Variants in TNR observed in about 807,000 individuals in gnomAD.
TNR encodes the protein tenascin-R.
TNR carries 45 observed loss-of-function variants against 150.4 expected under a neutral mutation model. The ratio of observed to expected loss-of-function variants is 0.30; its 90% CI spans 0.24 to 0.38. The LOEUF is 0.38. Among genes scored for constraint, TNR ranks in the 10% least tolerant of loss-of-function variants. The pLI, the probability that TNR is intolerant of heterozygous loss-of-function variation, is 1.00. For synonymous variants in TNR, 687 were observed against 678.4 expected (o/e 1.01, Z -0.20); for missense variants, 1,544 against 1,759.1 (o/e 0.88, Z 2.19).
chr1:175,431,371 G>A (rs1241009610), intron 2 of TNR, among the ~76,000 whole-genome samples: 2 of 152,234 alleles, frequency 1.3e-5, no homozygotes, highest in Non-Finnish European at 2.9e-5. Context: ...CCTACCATGT[G>A]TAGACAGCAC....
chr1:175,447,796 C>T (rs1262834384), intron 2 of TNR, among the ~76,000 whole-genome samples: 1 of 152,148 alleles, frequency 6.6e-6, no homozygotes, highest in Non-Finnish European at 1.5e-5. Context: ...ATGTGTGGAG[C>T]TCAACAAGGG....
At chr1:175,692,094 G>A (rs1335268259) in intron 1 of TNR, among the ~76,000 whole-genome samples, 1 of 152,192 alleles carries the variant, frequency 6.6e-6, no homozygotes, top group Admixed American at 6.5e-5. Flanking sequence ...ATTACCAGAG[G>A]TGGAAGTAAC....
At position 175,386,255 on chromosome 1, in the gene TNR, A is replaced by G. The variant is rs859437; in HGVS notation, c.1554T>C (p.Thr518=). ...TQILVRDVSD[T]VAFVEWIPPR... is the part of the protein sequence containing the mutation. ...GGGGAATCCACTCCACAAAAGCCAC[A>G]GTGTCCGAGACATCGCGAACCAGGA... Residue 518 remains threonine, a synonymous_variant, in exon 8 of 23, where the codon ACT becomes ACC. Transcript: ENST00000367674. 1,269,362 of 1,598,584 alleles carry G rather than the reference A, an allele frequency of 0.79. 504,638 individuals are homozygous for G. Among genetic ancestry groups the G allele is most frequent in the East Asian group, 0.9 (40,044 of 44,436 alleles).
At chr1:175,437,528 A>G in intron 2 of TNR, among the ~76,000 whole-genome samples, 1 of 152,242 alleles carries the variant, frequency 6.6e-6, no homozygotes, top group Non-Finnish European at 1.5e-5. Context: ...AACTAAGATC[A>G]GAGCAGAACT....
intron 20 of TNR, among the ~76,000 whole-genome samples, chr1:175,331,155 CTTT>C (rs60231011): frequency 1.1e-5 from 1 of 93,280 alleles, no homozygotes; most frequent in African/African-American, 3.8e-5. Context: ...TCCTTTCTTT[CTTT>C]TTCTTTCCTT....
At chr1:175,545,758 C>T (rs938775423) in intron 1 of TNR, among the ~76,000 whole-genome samples, 5 of 152,148 alleles carry the variant, frequency 3.3e-5, no homozygotes, top group Admixed American at 6.5e-5. Context: ...TAACTTATTC[C>T]GATTCACACA....
intron 1 of TNR, among the ~76,000 whole-genome samples, chr1:175,537,819 G>T (rs1217568668): frequency 6.6e-6 from 1 of 152,206 alleles, no homozygotes; most frequent in Non-Finnish European, 1.5e-5. Context: ...GCCAAGCCAG[G>T]CATCTGTGTG....
chr1:175,343,109 A>G (rs535202880), intron 18 of TNR, among the ~76,000 whole-genome samples: 1 of 152,290 alleles, frequency 6.6e-6, no homozygotes, highest in South Asian at 2.1e-4. Flanking sequence ...TATAGTGTGA[A>G]TGTGATCTGA....
chr1:175,501,864 C>T (rs1196978515), intron 2 of TNR, among the ~76,000 whole-genome samples: 1 of 152,174 alleles, frequency 6.6e-6, no homozygotes, highest in Admixed American at 6.5e-5. Context: ...AGGTGTGGGT[C>T]ACAGTGGTGA....
intron 1 of TNR, among the ~76,000 whole-genome samples, chr1:175,684,739 G>A (rs1451850833): frequency 1.3e-5 from 2 of 152,144 alleles, no homozygotes; most frequent in African/African-American, 4.8e-5. Flanking sequence ...AGTTAGCTAG[G>A]TTCAGAAAAT....
chr1:175,706,628 G>C (rs552749500), intron 1 of TNR, among the ~76,000 whole-genome samples: 1 of 152,106 alleles, frequency 6.6e-6, no homozygotes, highest in East Asian at 1.9e-4. Flanking sequence ...ATCTCCCGAG[G>C]GAACCACCTT....
chr1:175,628,349 C>T (rs1414327991), intron 1 of TNR, among the ~76,000 whole-genome samples: 1 of 152,004 alleles, frequency 6.6e-6, no homozygotes, highest in Non-Finnish European at 1.5e-5. Context: ...TGCTTGAAGG[C>T]CACTTAAAGG....
chr1:175,434,133 A>T (rs945560998), intron 2 of TNR, among the ~76,000 whole-genome samples: 1 of 152,180 alleles, frequency 6.6e-6, no homozygotes, highest in African/African-American at 2.4e-5. Context: ...TGCATTTTCA[A>T]GATTCGTCCA....
chr1:175,512,185 GGAAAGT>G (rs1014382845), intron 2 of TNR, among the ~76,000 whole-genome samples: 3 of 152,178 alleles, frequency 2.0e-5, no homozygotes, highest in Non-Finnish European at 4.4e-5. Context: ...AACTATCTGG[GGAAAGT>G]GAGCCATTTA....
intron 1 of TNR, among the ~76,000 whole-genome samples, chr1:175,696,307 G>A (rs552638670): frequency 2.3e-4 from 35 of 150,222 alleles, no homozygotes; most frequent in Admixed American, 2.7e-4. Context: ...GTAAATGGGC[G>A]GGCCAGCTGG....
In TNR at chr1:175,355,644, G is replaced by T. The variant is rs769181097; in HGVS notation, c.3119-11C>A. The T allele has an allele frequency of 6.8e-6, 11 of 1,613,414 alleles. No homozygotes were observed. The African/African-American group carries it at 8.0e-5, about 12-fold the overall frequency. On this transcript the variant is annotated splice_polypyrimidine_tract_variant and intron_variant, in intron 16 of 22. Transcript: ENST00000367674. ...CCGGAGGGTCCAGGACTGCAAAGAG[G>T]AGAAAGTGCCAGGGCATGCCTGCCT...
In TNR at chr1:175,421,354, G is replaced by A. The variant is rs190331618; in HGVS notation, c.-63-14577C>T. 1.5e-3 allele frequency among the ~76,000 whole-genome samples: 221 copies of A among 152,322 alleles called. 2 individuals carry two copies. In the Middle Eastern group the frequency reaches 0.02, roughly 14 times the overall value. ...AAACCTATTGCTTTGATCCTAGTTTGCATTATCAAACAGGATTGCTGCAGG... is the reference window on the plus strand; with the variant it reads ...AAACCTATTGCTTTGATCCTAGTTTACATTATCAAACAGGATTGCTGCAGG... On this transcript the variant is annotated intron_variant, in intron 2 of 22. Transcript: ENST00000367674.
At chr1:175,539,771 C>T (rs1017420947) in intron 1 of TNR, among the ~76,000 whole-genome samples, 4 of 152,226 alleles carry the variant, frequency 2.6e-5, no homozygotes, top group South Asian at 4.1e-4. Context: ...GTTTCTAAAA[C>T]TCCTACAACT....
intron 2 of TNR, among the ~76,000 whole-genome samples, chr1:175,453,068 G>A (rs1311702210): frequency 6.6e-6 from 1 of 152,118 alleles, no homozygotes; most frequent in Non-Finnish European, 1.5e-5. Context: ...TATAGTTAAT[G>A]CCAGTGAATT....
Sources: allele counts gnomAD v4.1 joint callset (sites outside exome capture counted in the v4.1 genomes callset), GRCh38; gene constraint gnomAD v4.1.1; transcripts MANE v1.5; gene names NCBI Gene and HGNC (gene_info 2026-07-23, HGNC 2026-07-21).